The following NRXN3 variants were observed in gnomAD, a reference collection of about 807,000 sequenced individuals.
NRXN3 encodes the protein neurexin 3, also known as neurexin III.
NRXN3 carries 32 observed loss-of-function variants against 137.6 expected under a neutral mutation model. The ratio of observed to expected loss-of-function variants is 0.23; its 90% CI spans 0.18 to 0.31. NRXN3 has a LOEUF of 0.31. Ranked by LOEUF, NRXN3 falls within the 10% of genes least tolerant of loss-of-function variation. The pLI is 1.00. For missense variants in NRXN3, 1,574 were observed against 2,062.5 expected (o/e 0.76, Z 4.59); for synonymous variants, 798 against 784.5 (o/e 1.02, Z -0.29).
At chr14:78,785,459 C>T in intron 8 of NRXN3, among the ~76,000 whole-genome samples, 1 of 152,192 alleles carries the variant, frequency 6.6e-6, no homozygotes, top group East Asian at 1.9e-4. Flanking sequence ...GCCTCACATG[C>T]AATTCTGGCA....
At chr14:79,292,489 A>T (rs1458646248) in intron 15 of NRXN3, among the ~76,000 whole-genome samples, 1 of 152,236 alleles carries the variant, frequency 6.6e-6, no homozygotes. Flanking sequence ...CACCTGAAAG[A>T]CAGGGAACTG....
chr14:79,073,673 A>G (rs2099691338), intron 15 of NRXN3, among the ~76,000 whole-genome samples: 1 of 152,184 alleles, frequency 6.6e-6, no homozygotes, highest in South Asian at 2.1e-4. Flanking sequence ...GCCCTTCTTT[A>G]AAAATCTAAG....
chr14:79,156,935 T>A (rs1263316292), intron 15 of NRXN3, among the ~76,000 whole-genome samples: 4 of 151,826 alleles, frequency 2.6e-5, no homozygotes, highest in African/African-American at 9.7e-5. Context: ...ATTCTTGGGC[T>A]CTATCCACTA....
At chr14:79,024,078 A>G (rs1027503086) in intron 15 of NRXN3, among the ~76,000 whole-genome samples, 24 of 152,160 alleles carry the variant, frequency 1.6e-4, no homozygotes, top group South Asian at 2.1e-4. Context: ...GAGCTGAAGT[A>G]GGTGAATCAC....
chr14:79,729,063 A>G (rs532177682), intron 19 of NRXN3, among the ~76,000 whole-genome samples: 23 of 152,328 alleles, frequency 1.5e-4, no homozygotes, highest in Middle Eastern at 6.8e-3. Context: ...CAAGACCACC[A>G]TGGTGACATG....
In NRXN3 at chr14:78,253,057, G is replaced by A. The variant is rs377340951; in HGVS notation, c.709+9255G>A. 4.6e-5 allele frequency among the ~76,000 whole-genome samples: 7 copies of A among 151,720 alleles called. No homozygotes were observed. The South Asian group carries it at 1.3e-3, about 27-fold the overall frequency. On this transcript the variant is annotated intron_variant, in intron 2 of 20. Transcript: ENST00000335750. ...TAAGAGAATGGGAAAGAGTGGGCTT[G>A]AAGGGCACTGAGCTCTGACCTGTGG...
intron 19 of NRXN3, among the ~76,000 whole-genome samples, chr14:79,707,493 CTA>C (rs1287234712): frequency 1.5e-5 from 2 of 136,882 alleles, no homozygotes; most frequent in African/African-American, 5.3e-5. Flanking sequence ...CTTTGTGGAG[CTA>C]TGTTTTTTTA....
At chr14:78,292,733 T>G (rs762243816) in intron 3 of NRXN3, among the ~76,000 whole-genome samples, 6 of 152,248 alleles carry the variant, frequency 3.9e-5, no homozygotes, top group Non-Finnish European at 5.9e-5. Flanking sequence ...CCAGAGCCGA[T>G]GGTGAGACTG....
intron 16 of NRXN3, among the ~76,000 whole-genome samples, chr14:79,488,419 A>T (rs887685932): frequency 2.0e-5 from 3 of 152,112 alleles, no homozygotes; most frequent in African/African-American, 7.2e-5. Flanking sequence ...TGGCAACAAG[A>T]GTGTGTGTGT....
In NRXN3 at chr14:78,522,017, T is replaced by C. The variant is rs181581825; in HGVS notation, c.758-123103T>C. Among the ~76,000 whole-genome samples, 26 of 152,276 alleles carry C rather than the reference T, an allele frequency of 1.7e-4. No individual in the cohort carries two copies. The East Asian group carries it at 1.9e-3, about 11-fold the overall frequency. On this transcript the variant is annotated intron_variant, in intron 4 of 20. Coordinates refer to ENST00000335750, the MANE Select transcript of NRXN3 (RefSeq NM_001330195.2). ...ATTTAGGTCATACTTCAATAAAATA[T>C]TTTTACTGTTTATTTCCTGTATCAC...
At chr14:79,234,307 TATATATATATATA>T (rs1393871580) in intron 15 of NRXN3, among the ~76,000 whole-genome samples, 3 of 81,158 alleles carry the variant, frequency 3.7e-5, no homozygotes, top group East Asian at 4.3e-4. Context: ...TATATATATA[TATATATATATATA>T]TATATATATA....
intron 15 of NRXN3, among the ~76,000 whole-genome samples, chr14:79,169,869 A>C (rs931429229): frequency 1.3e-5 from 2 of 152,124 alleles, no homozygotes; most frequent in Admixed American, 6.6e-5. Context: ...ACACCAAACC[A>C]TTGCAAAAGT....
At chr14:78,804,049 T>C (rs531381796) in intron 9 of NRXN3, among the ~76,000 whole-genome samples, 34 of 152,334 alleles carry the variant, frequency 2.2e-4, no homozygotes, top group African/African-American at 7.9e-4. Flanking sequence ...ATTTCTTTAC[T>C]AGATTATTTG....
chr14:78,243,715 G>A lies in NRXN3; in HGVS notation c.622G>A (p.Glu208Lys). Residue 208 changes from glutamate (E) to lysine (K), a missense_variant, in exon 2 of 21, where the codon GAA (glutamate) becomes AAA (lysine). This residue lies in a region of NRXN3 where 400 missense variants were observed against 527.3 expected (regional missense o/e 0.76). Transcript: ENST00000335750. This position sits in a 1 kb window ranked among gnomAD's most constrained non-coding sequence, Gnocchi z 4.2. ...AEGPCGERPCENGGICFLLDG... is the reference protein window; with the variant it reads ...AEGPCGERPCKNGGICFLLDG... ...GGGACCCTGTGGTGAGCGTCCCTGTGAAAATGGTGGGATCTGCTTTCTCCT... is the reference window on the plus strand; with the variant it reads ...GGGACCCTGTGGTGAGCGTCCCTGTAAAAATGGTGGGATCTGCTTTCTCCT... The A allele has an allele frequency of 6.3e-7, 1 of 1,598,384 alleles. No individual in the cohort carries two copies. Among genetic ancestry groups the A allele is most frequent in the Non-Finnish European group, 8.5e-7 (1 of 1,179,784 alleles).
At chr14:78,791,338 C>T (rs2153052161) in intron 8 of NRXN3, among the ~76,000 whole-genome samples, 1 of 152,150 alleles carries the variant, frequency 6.6e-6, no homozygotes, top group Middle Eastern at 3.4e-3. Context: ...AACATGCAAA[C>T]CAAATAATCA....
chr14:79,181,769 T>C lies in NRXN3; in HGVS notation c.3262+193628T>C, dbSNP rs1036772773. Among the ~76,000 whole-genome samples, 34 of 151,930 alleles carry C rather than the reference T, an allele frequency of 2.2e-4. 1 individual carries two copies. The highest frequency in any genetic ancestry group is 8.0e-4 in the African/African-American group (33 of 41,452). ...CAGAAAATGTGCACAGGGTGGGGCA[T>C]CTCATGTGAAAAGCATCTCAATCAT... On this transcript the variant is annotated intron_variant, in intron 15 of 20. Coordinates refer to ENST00000335750, the MANE Select transcript of NRXN3 (RefSeq NM_001330195.2).
intron 4 of NRXN3, among the ~76,000 whole-genome samples, chr14:78,438,738 G>A (rs2094149537): frequency 6.6e-6 from 1 of 152,118 alleles, no homozygotes; most frequent in Non-Finnish European, 1.5e-5. Context: ...CGAGGGCTAA[G>A]AACAGGAGCT....
chr14:78,411,741 C>G (rs979564519), intron 4 of NRXN3, among the ~76,000 whole-genome samples: 2 of 152,186 alleles, frequency 1.3e-5, no homozygotes, highest in African/African-American at 4.8e-5. Flanking sequence ...GCAGTTCTCC[C>G]TGCACCTCCC....
chr14:79,827,766 C>G (rs1293889959), intron 20 of NRXN3, among the ~76,000 whole-genome samples: 1 of 151,060 alleles, frequency 6.6e-6, no homozygotes, highest in Non-Finnish European at 1.5e-5. Flanking sequence ...GTGATCTCGG[C>G]TCACTGCAAC....
Sources: allele counts gnomAD v4.1 joint callset (sites outside exome capture counted in the v4.1 genomes callset), GRCh38; gene constraint gnomAD v4.1.1; regional missense constraint gnomAD v4.1.1; non-coding constraint Gnocchi (gnomAD v3.1); transcripts MANE v1.5; gene names NCBI Gene and HGNC (gene_info 2026-07-23, HGNC 2026-07-21).